TMEM178A: variants seen among roughly 807,000 people sequenced by gnomAD.
TMEM178A encodes the protein transmembrane protein 178.
TMEM178A carries 12 observed loss-of-function variants against 29.1 expected under a neutral mutation model. That is an observed-to-expected ratio of 0.41 (90% confidence interval 0.26 to 0.67). TMEM178A has a LOEUF of 0.67. Among genes scored for constraint, TMEM178A ranks in the 30% least tolerant of loss-of-function variants. The probability of loss-of-function intolerance (pLI) is 0.29; values close to 1 mark genes in which losing one functional copy is unlikely to be tolerated. For synonymous variants in TMEM178A, 210 were observed against 187.2 expected, an observed-to-expected ratio of 1.12 and a Z score of -0.99; for missense variants, 366 against 419.1, an observed-to-expected ratio of 0.87 and a Z score of 1.11.
intron 1 of TMEM178A, among the ~76,000 whole-genome samples, chr2:39,679,423 T>C (rs939399716): frequency 1.3e-5 from 2 of 152,100 alleles, no homozygotes; most frequent in African/African-American, 4.8e-5. Context: ...TAGTGGTAGA[T>C]GGGTAAAATG....
intron 1 of TMEM178A, among the ~76,000 whole-genome samples, chr2:39,691,038 G>GAAAC (rs1048228202): frequency 6.6e-6 from 1 of 152,106 alleles, no homozygotes; most frequent in African/African-American, 2.4e-5. Context: ...GTAAGAGGGA[G>GAAAC]AAACAAACAA....
chr2:39,734,815 A>C, the TMEM178A span, among the ~76,000 whole-genome samples: 1 of 152,166 alleles, frequency 6.6e-6, no homozygotes. Context: ...TTCTTGGCTA[A>C]AAGTCTTCAG....
At chr2:39,695,187 A>C (rs942978988) in intron 1 of TMEM178A, among the ~76,000 whole-genome samples, 4 of 152,112 alleles carry the variant, frequency 2.6e-5, no homozygotes, top group African/African-American at 9.7e-5. Flanking sequence ...TGGGGAAATA[A>C]TTCTTTATTT....
chr2:39,709,154 C>CT (rs1672193031), intron 3 of TMEM178A, among the ~76,000 whole-genome samples: 1 of 151,890 alleles, frequency 6.6e-6, no homozygotes, highest in Admixed American at 6.5e-5. Context: ...TGCTGACTGT[C>CT]TGTCTCTGAG....
In TMEM178A at chr2:39,665,992, C is replaced by G. The variant is rs373389562; in HGVS notation, c.18C>G (p.Leu6=). The G allele has an allele frequency of 1.5e-5, 21 of 1,421,668 alleles. No individual in the cohort carries two copies. The African/African-American group carries it at 2.1e-4, about 14-fold the overall frequency. The allele number at this position is 1,421,668 out of a possible 1,614,324, so 88.1% of individuals were successfully genotyped here. A position where few individuals can be genotyped will look rare whatever the true frequency, so the allele number is the denominator to read the frequency against. Residue 6 remains leucine (L), a synonymous_variant, in exon 1 of 4, where the codon CTC becomes CTG. Transcript: ENST00000281961. MEPRA[L]VTALSLGLSL... ...GGGAAGCCATGGAGCCGCGGGCGCTCGTCACGGCGCTCAGCCTCGGCCTCA... is the reference window on the plus strand; with the variant it reads ...GGGAAGCCATGGAGCCGCGGGCGCTGGTCACGGCGCTCAGCCTCGGCCTCA...
intron 1 of TMEM178A, among the ~76,000 whole-genome samples, chr2:39,672,692 G>A (rs537594333): frequency 1.3e-5 from 2 of 151,842 alleles, no homozygotes; most frequent in Non-Finnish European, 2.9e-5. Context: ...TAGCACACCT[G>A]GCTGATTTAA....
intron 1 of TMEM178A, among the ~76,000 whole-genome samples, chr2:39,671,667 C>T (rs943854483): frequency 1.3e-5 from 2 of 152,132 alleles, no homozygotes; most frequent in African/African-American, 4.8e-5. Flanking sequence ...CTGACACATA[C>T]ATCATAAAAC....
Position 39,704,152 on chromosome 2 carries a change from A to G in TMEM178A, c.472A>G (p.Asn158Asp), listed in dbSNP as rs1671925555. The part of the protein sequence containing the change: ...QPIRLRNIPF[N>D]LTKTIQQDEW... The stretch of plus-strand genomic sequence containing the variant: ...CATCCGCTTGCGAAACATTCCTTTT[A>G]ATTTAACCAAGACCATACAGCAAGA... The change falls in exon 2 of 4, where the codon AAT becomes GAT. Residue 158 changes from asparagine to aspartate, a missense_variant. By Grantham distance (23) the Asn-to-Asp change is conservative (BLOSUM62 1). This residue lies in a region of TMEM178A where 247 missense variants were observed against 246.8 expected (regional missense o/e 1.00). Transcript: ENST00000281961. The G allele has an allele frequency of 6.2e-7, 1 of 1,614,136 alleles. No individual in the cohort carries two copies. The highest frequency in any genetic ancestry group is 1.7e-5 in the Admixed American group (1 of 60,028).
chr2:39,718,311 C>G (rs528628711), downstream of TMEM178A, among the ~76,000 whole-genome samples: 1 of 152,242 alleles, frequency 6.6e-6, no homozygotes, highest in East Asian at 1.9e-4. Context: ...TGTTCTTGGA[C>G]CTCCTAAAGC....
At chr2:39,666,848 C>T (rs1186939109) in intron 1 of TMEM178A, among the ~76,000 whole-genome samples, 4 of 152,190 alleles carry the variant, frequency 2.6e-5, no homozygotes, top group Non-Finnish European at 5.9e-5. Context: ...AAAGTGGTGC[C>T]GACCTCCGAA....
the TMEM178A span, among the ~76,000 whole-genome samples, chr2:39,727,177 GT>G: frequency 1.3e-5 from 2 of 152,090 alleles, no homozygotes; most frequent in African/African-American, 4.8e-5. Flanking sequence ...CTTCTGGCTG[GT>G]ATCCTCTTGC....
At chr2:39,681,214 C>T (rs1670856741) in intron 1 of TMEM178A, among the ~76,000 whole-genome samples, 1 of 152,188 alleles carries the variant, frequency 6.6e-6, no homozygotes. Flanking sequence ...TACTCAACCT[C>T]TGATGCTTGA....
chr2:39,735,869 T>C, the TMEM178A span, among the ~76,000 whole-genome samples: 1 of 152,208 alleles, frequency 6.6e-6, no homozygotes, highest in African/African-American at 2.4e-5. Context: ...TGCACATGGG[T>C]GGACCTGATA....
intron 1 of TMEM178A, among the ~76,000 whole-genome samples, chr2:39,680,417 T>C (rs751868260): frequency 2.6e-5 from 4 of 152,350 alleles, no homozygotes; most frequent in Non-Finnish European, 4.4e-5. Flanking sequence ...CATGCTTTCT[T>C]ATTGCTAATT....
At chr2:39,728,930 A>C in the TMEM178A span, among the ~76,000 whole-genome samples, 1 of 152,322 alleles carries the variant, frequency 6.6e-6, no homozygotes, top group East Asian at 1.9e-4. Flanking sequence ...AAAATATGGT[A>C]ACAGAAAAAA....
At chr2:39,666,456 G>T (rs1434568551) in intron 1 of TMEM178A, 82 bp downstream of exon 1, 2 of 1,145,036 alleles carry the variant, frequency 1.7e-6, no homozygotes, top group Non-Finnish European at 2.2e-6. Context: ...GCCGGTCCCC[G>T]CAGCCCCCTC....
intron 2 of TMEM178A, 44 bp from the exon 3 acceptor site, chr2:39,707,005 T>A (rs1052691968): frequency 1.9e-6 from 3 of 1,562,584 alleles, no homozygotes; most frequent in Non-Finnish European, 2.6e-6. Flanking sequence ...TTAATGACTT[T>A]CCTGAATTCT....
rs183981756 is a variant in TMEM178A at position 39,710,745 on chromosome 2, C to G, written c.652+3559C>G. On this transcript the variant is annotated intron_variant, in intron 3 of 3. Transcript: ENST00000281961. The stretch of plus-strand genomic sequence containing the variant: ...TTTAATTAAGCAGAATGTCTTTAGC[C>G]ACTCAAGTCAGCATCCTTCCCACAG... Among the ~76,000 whole-genome samples, 430 of 152,304 alleles carry G rather than the reference C, an allele frequency of 2.8e-3. 2 individuals carry two copies. Among genetic ancestry groups the G allele is most frequent in the African/African-American group, 9.5e-3 (396 of 41,556 alleles).
At chr2:39,732,309 A>T in the TMEM178A span, among the ~76,000 whole-genome samples, 1 of 151,426 alleles carries the variant, frequency 6.6e-6, no homozygotes, top group Non-Finnish European at 1.5e-5. Flanking sequence ...CTCACTGGAG[A>T]CTCCTCATGA....
Sources: gnomAD v4.1 joint callset for allele counts (sites outside exome capture counted in the v4.1 genomes callset) on GRCh38, gnomAD v4.1.1 for gene constraint, gnomAD v4.1.1 regional missense constraint, MANE v1.5 for transcripts, NCBI Gene and HGNC (gene_info 2026-07-23, HGNC 2026-07-21) for gene names.